The following PLCXD1 variants were observed in gnomAD, a reference collection of about 807,000 sequenced individuals.
PLCXD1 encodes PI-PLC X domain-containing protein 1.
In PLCXD1, 45 loss-of-function variants were observed where a neutral mutation model predicts 37.8. The ratio of observed to expected loss-of-function variants is 1.19; its 90% CI spans 0.94 to 1.53. PLCXD1 has a LOEUF of 1.53. PLCXD1 is among the 40% of genes most tolerant of loss of function. The pLI is 0.00. For synonymous variants in PLCXD1, 246 were observed against 206.9 expected, an observed-to-expected ratio of 1.19 and a Z score of -1.62; for missense variants, 539 against 454.7, an observed-to-expected ratio of 1.19 and a Z score of -1.69.
intron 3 of PLCXD1, 52 bp downstream of exon 3, chrX:288,921 C>T (rs775674463): frequency 2.5e-6 from 4 of 1,572,340 alleles, no homozygotes; most frequent in Non-Finnish European, 3.5e-6. Context: ...ATGTGGGGCC[C>T]ACGGCCCCGT....
At chrX:296,678 C>T (rs1368111177) in intron 6 of PLCXD1, among the ~76,000 whole-genome samples, 1 of 152,220 alleles carries the variant, frequency 6.6e-6, no homozygotes, top group Non-Finnish European at 1.5e-5. Context: ...CTCTATAAGC[C>T]TCATAAGAGA....
chrX:294,802 TCAAAA>T (rs1409933109), intron 6 of PLCXD1, among the ~76,000 whole-genome samples: 1 of 151,174 alleles, frequency 6.6e-6, no homozygotes, highest in Admixed American at 6.6e-5. Context: ...AGACTCTGTC[TCAAAA>T]CAAAACAAGA....
intron 4 of PLCXD1, 102 bp from the exon 5 acceptor site, chrX:291,397 C>T (rs1397963517): frequency 1.5e-5 from 20 of 1,325,490 alleles, no homozygotes; most frequent in Admixed American, 5.2e-5. Context: ...CCACCCGCCT[C>T]GGCCTCCCAA....
chrX:282,887 T>C (rs1299365040), intron 1 of PLCXD1, among the ~76,000 whole-genome samples: 1 of 102,890 alleles, frequency 9.7e-6, no homozygotes, highest in Non-Finnish European at 2.2e-5. Context: ...GTTATGTATG[T>C]GTTATATATG....
upstream of PLCXD1, among the ~76,000 whole-genome samples, chrX:276,591 G>T (rs1182436771): frequency 3.3e-5 from 5 of 152,148 alleles, no homozygotes; most frequent in Non-Finnish European, 7.3e-5. Context: ...CTGTGGCCTG[G>T]ACGTTGGCAG....
intron 2 of PLCXD1, among the ~76,000 whole-genome samples, chrX:284,990 C>T (rs762092915): frequency 6.6e-6 from 1 of 152,244 alleles, no homozygotes; most frequent in African/African-American, 2.4e-5. Context: ...CCTCCCATGA[C>T]AGATGGGAAT....
At chrX:295,893 T>C (rs911218296) in intron 6 of PLCXD1, among the ~76,000 whole-genome samples, 2 of 151,854 alleles carry the variant, frequency 1.3e-5, no homozygotes. Flanking sequence ...CAGGCTAGAG[T>C]GCAATGGCGC....
chrX:299,414 CAAATG>C lies in PLCXD1; in HGVS notation c.*80_*84del. On this transcript the variant is annotated 3_prime_UTR_variant, in exon 7 of 7. Transcript: ENST00000381657. ...CCAAGTATTGTGACTTTGTTTGGGC[CAAATG>C]TTGGTGATCATAGGACCGATGATAA... The C allele has an allele frequency of 9.9e-7, 1 of 1,009,144 alleles. No homozygotes were observed. The highest frequency in any genetic ancestry group is 1.6e-6 in the Non-Finnish European group (1 of 631,986). 62.5% of individuals were successfully genotyped at this position (1,009,144 alleles called of 1,614,324 possible). A position where few individuals can be genotyped will look rare whatever the true frequency, so the allele number is the denominator to read the frequency against.
At chrX:295,527 CTTT>C (rs746610594) in intron 6 of PLCXD1, among the ~76,000 whole-genome samples, 1 of 144,206 alleles carries the variant, frequency 6.9e-6, no homozygotes, top group Non-Finnish European at 1.5e-5. Flanking sequence ...TCAGAAATGT[CTTT>C]TTTTTTTTTT....
At chrX:277,101 G>C (rs750601223), upstream of PLCXD1, among the ~76,000 whole-genome samples, 3 of 152,298 alleles carry the variant, frequency 2.0e-5, no homozygotes, top group Middle Eastern at 3.4e-3. Context: ...CCGCTGTGCC[G>C]TCCGGACGAG....
rs35518868 is a variant in PLCXD1, at chrX:284,658, GCACA to G, written c.127+351_127+354del. On this transcript the variant is annotated intron_variant, in intron 2 of 6. Transcript: ENST00000381657. ...CATCTGCACACACACATGCACATCT[GCACA>G]CACACATGCACATCTGCACACATAC... Among the ~76,000 whole-genome samples the G allele has an allele frequency of 6.6e-5, 10 of 151,458 alleles. No homozygotes were observed. The South Asian group carries it at 1.9e-3, about 28-fold the overall frequency.
chrX:286,211 C>T (rs1472853198), intron 2 of PLCXD1, among the ~76,000 whole-genome samples: 1 of 151,988 alleles, frequency 6.6e-6, no homozygotes, highest in Non-Finnish European at 1.5e-5. Flanking sequence ...ATTACAGGCA[C>T]GCTCCACTAT....
In PLCXD1 at chrX:300,423, T is replaced by C. The variant is rs183776297; in HGVS notation, c.*1088T>C. On this transcript the variant is annotated 3_prime_UTR_variant, in exon 7 of 7. Coordinates refer to ENST00000381657, the MANE Select transcript of PLCXD1 (RefSeq NM_018390.4). ...GTCTGTGTGTATATATGTGTATATA[T>C]CGGTGTGTATATATGTATGTATGTT... The C allele has an allele frequency of 1.2e-4, 17 of 138,654 alleles. No individual in the cohort carries two copies. The highest frequency in any genetic ancestry group is 4.5e-4 in the African/African-American group (17 of 38,124). 8.6% of individuals were successfully genotyped at this position (138,654 alleles called of 1,614,324 possible).
At chrX:278,492 A>G (rs1016556240), upstream of PLCXD1, among the ~76,000 whole-genome samples, 2 of 151,996 alleles carry the variant, frequency 1.3e-5, no homozygotes, top group Non-Finnish European at 2.9e-5. Context: ...TCATCCCAGC[A>G]CTTTGGGAGG....
At chrX:278,152 G>A (rs28639689), upstream of PLCXD1, among the ~76,000 whole-genome samples, 59,238 of 119,566 alleles carry the variant, frequency 0.5, 16,588 homozygotes, top group East Asian at 0.65. Flanking sequence ...CAGTGGTCAG[G>A]GGACTTGGGA....
chrX:284,427 C>A, intron 2 of PLCXD1, 113 bp downstream of exon 2: 2 of 1,216,360 alleles, frequency 1.6e-6, no homozygotes, highest in Non-Finnish European at 2.4e-6. Flanking sequence ...AGGAGCAATC[C>A]TGGGTGTAGG....
At chrX:290,625 A>T (rs772365603) in intron 3 of PLCXD1, 23 bp from the exon 4 acceptor site, 1 of 1,613,068 alleles carries the variant, frequency 6.2e-7, no homozygotes, top group Non-Finnish European at 8.5e-7. Context: ...CCAGGCAGAC[A>T]TGACAGCAGC....
chrX:293,009 C>T (rs373741743), intron 5 of PLCXD1, 26 bp from the exon 6 acceptor site: 3 of 1,566,900 alleles, frequency 1.9e-6, no homozygotes, highest in South Asian at 2.3e-5. Flanking sequence ...CTCTCCCCTG[C>T]ACCCCTTAAC....
Position 288,734 on chromosome X carries a change from G to A in PLCXD1, c.129G>A (p.Gly43=), listed in dbSNP as rs141689530. 1.2e-5 allele frequency: 19 copies of A among 1,613,770 alleles called. No homozygotes were observed. In the African/African-American group the frequency reaches 2.5e-4, roughly 22 times the overall value. ...DVPLHHLSIP[G]SHDTMTYCLN... ...TCCGCGTGTGTGCTTTGCTCTCAGGGAGCCACGACACGATGACGTACTGCC... is the reference window on the plus strand; with the variant it reads ...TCCGCGTGTGTGCTTTGCTCTCAGGAAGCCACGACACGATGACGTACTGCC... Residue 43 remains glycine, a splice_region_variant and synonymous_variant, in exon 3 of 7, where the codon GGG becomes GGA. Coordinates refer to ENST00000381657, the MANE Select transcript of PLCXD1 (RefSeq NM_018390.4).
Sources: gnomAD v4.1 joint callset for allele counts (sites outside exome capture counted in the v4.1 genomes callset) on GRCh38, gnomAD v4.1.1 for gene constraint, MANE v1.5 for transcripts, NCBI Gene and HGNC (gene_info 2026-07-23, HGNC 2026-07-21) for gene names.